Variants in CDH11 observed in about 807,000 individuals in gnomAD.
CDH11 encodes the protein cadherin 11.
Under a neutral mutation model 67.8 loss-of-function variants are expected in CDH11, and 11 were observed. The ratio of observed to expected loss-of-function variants is 0.16; its 90% CI spans 0.10 to 0.27. CDH11 has a LOEUF of 0.27. CDH11 is among the 10% of genes least tolerant of loss of function. The pLI is 1.00. For missense variants in CDH11, 847 were observed against 1,031.2 expected (o/e 0.82, Z 2.45); for synonymous variants, 419 against 400.0 (o/e 1.05, Z -0.57).
intron 2 of CDH11, among the ~76,000 whole-genome samples, chr16:65,014,936 A>G (rs887411290): frequency 6.6e-5 from 10 of 151,444 alleles, no homozygotes; most frequent in African/African-American, 2.4e-4. Context: ...GCTCACAGCA[A>G]CCTCCACCTC....
chr16:65,046,878 C>T (rs1202633078), intron 2 of CDH11, among the ~76,000 whole-genome samples: 6 of 152,218 alleles, frequency 3.9e-5, no homozygotes, highest in East Asian at 1.9e-4. Context: ...GAGGCCGAGG[C>T]GGGCAGATCA....
chr16:65,052,782 T>A (rs2074080074), intron 2 of CDH11, among the ~76,000 whole-genome samples: 1 of 152,174 alleles, frequency 6.6e-6, no homozygotes, highest in Admixed American at 6.5e-5. Context: ...GGTGACAATT[T>A]CAGTAATATT....
At chr16:64,960,448 G>A (rs2071643203) in intron 11 of CDH11, among the ~76,000 whole-genome samples, 1 of 152,102 alleles carries the variant, frequency 6.6e-6, no homozygotes, top group African/African-American at 2.4e-5. Flanking sequence ...GGGAGACAAG[G>A]AAATGTGTTA....
At chr16:65,057,562 G>A (rs2074166003) in intron 1 of CDH11, among the ~76,000 whole-genome samples, 1 of 152,232 alleles carries the variant, frequency 6.6e-6, no homozygotes, top group Non-Finnish European at 1.5e-5. Flanking sequence ...AAGACAGTCA[G>A]TGGAGGATGC....
At chr16:65,076,515 C>A (rs2074511949) in intron 1 of CDH11, among the ~76,000 whole-genome samples, 1 of 152,074 alleles carries the variant, frequency 6.6e-6, no homozygotes, top group Non-Finnish European at 1.5e-5. Flanking sequence ...TTGATCCAGC[C>A]CATCCTGGCA....
At chr16:65,041,886 C>G (rs2073874280) in intron 2 of CDH11, among the ~76,000 whole-genome samples, 1 of 152,166 alleles carries the variant, frequency 6.6e-6, no homozygotes, top group Admixed American at 6.5e-5. Context: ...GTTGGCTTCC[C>G]CAGAGTGGAG....
chr16:64,958,135 G>C (rs2071569062), intron 11 of CDH11, among the ~76,000 whole-genome samples: 1 of 152,146 alleles, frequency 6.6e-6, no homozygotes, highest in South Asian at 2.1e-4. Flanking sequence ...TTGAGGGAAG[G>C]GGCCTTGTCT....
rs553063300 is a variant in CDH11 at position 65,023,090 on chromosome 16, C to T, written c.-172-18049G>A. 3.4e-4 allele frequency among the ~76,000 whole-genome samples: 52 copies of T among 152,174 alleles called. No homozygotes were observed. In the South Asian group the frequency reaches 9.3e-3, roughly 27 times the overall value. ...TCATTGGAAACTAAAGCAAAAAAGG[C>T]CTGAGAGAAGGGGCAACAACAGGGG... On this transcript the variant is annotated intron_variant, in intron 2 of 12. Coordinates refer to ENST00000268603, the MANE Select transcript of CDH11 (RefSeq NM_001797.4).
chr16:64,988,749 G>A (rs1433116280), intron 6 of CDH11, among the ~76,000 whole-genome samples: 1 of 151,822 alleles, frequency 6.6e-6, no homozygotes, highest in Non-Finnish European at 1.5e-5. Flanking sequence ...ATTGCGAAGA[G>A]CCCAGAAAAA....
chr16:64,967,474 C>G (rs1027392859), intron 11 of CDH11, among the ~76,000 whole-genome samples: 1 of 152,084 alleles, frequency 6.6e-6, no homozygotes, highest in South Asian at 2.1e-4. Context: ...TCTGCCTCAG[C>G]CTTCCAAAAC....
chr16:65,061,073 G>A (rs1476024415), intron 1 of CDH11, among the ~76,000 whole-genome samples: 1 of 152,202 alleles, frequency 6.6e-6, no homozygotes, highest in African/African-American at 2.4e-5. Context: ...TAAACTCAGA[G>A]GGCCTCAGGA....
At chr16:65,064,411 G>T (rs1009585978) in intron 1 of CDH11, among the ~76,000 whole-genome samples, 4 of 152,136 alleles carry the variant, frequency 2.6e-5, no homozygotes, top group African/African-American at 9.7e-5. Context: ...CAAATTTACT[G>T]TTCAGTAAAT....
intron 1 of CDH11, among the ~76,000 whole-genome samples, chr16:65,069,118 A>C (rs573775077): frequency 4.6e-5 from 7 of 152,308 alleles, no homozygotes; most frequent in African/African-American, 1.7e-4. Context: ...CATTCCCATA[A>C]AGTTACAATT....
At chr16:65,070,203 G>C (rs548126082) in intron 1 of CDH11, among the ~76,000 whole-genome samples, 1 of 152,240 alleles carries the variant, frequency 6.6e-6, no homozygotes, top group East Asian at 1.9e-4. Flanking sequence ...ATTTTATGGG[G>C]CAACAAATTC....
At chr16:65,118,261 T>G (rs1206133253) in intron 1 of CDH11, among the ~76,000 whole-genome samples, 2 of 152,120 alleles carry the variant, frequency 1.3e-5, no homozygotes, top group East Asian at 3.9e-4. Flanking sequence ...CAGAAAGATG[T>G]CTAATTATGC....
chr16:65,095,384 G>C (rs920870009), intron 1 of CDH11, among the ~76,000 whole-genome samples: 19 of 152,206 alleles, frequency 1.2e-4, no homozygotes, highest in African/African-American at 4.1e-4. Flanking sequence ...ACCATCTAAA[G>C]TAACTTCTAA....
chr16:64,967,245 C>A (rs1281445752), intron 11 of CDH11, among the ~76,000 whole-genome samples: 1 of 151,970 alleles, frequency 6.6e-6, no homozygotes, highest in East Asian at 1.9e-4. Context: ...GTTTGTTGCA[C>A]TCCAGACTGT....
intron 4 of CDH11, among the ~76,000 whole-genome samples, chr16:64,997,300 A>AAAT (rs2072796059): frequency 2.4e-5 from 3 of 125,140 alleles, no homozygotes; most frequent in Non-Finnish European, 4.9e-5. Flanking sequence ...ACTCTGTCTC[A>AAAT]AAATAAATAA....
chr16:65,028,287 C>T (rs2073572475), intron 2 of CDH11, among the ~76,000 whole-genome samples: 1 of 152,082 alleles, frequency 6.6e-6, no homozygotes, highest in South Asian at 2.1e-4. Flanking sequence ...TGGTGTCTGC[C>T]CCTGCCTCTG....
Sources: gnomAD v4.1 joint callset for allele counts (sites outside exome capture counted in the v4.1 genomes callset) on GRCh38, gnomAD v4.1.1 for gene constraint, MANE v1.5 for transcripts, NCBI Gene and HGNC (gene_info 2026-07-23, HGNC 2026-07-21) for gene names.